The following PTK2 variants were observed in gnomAD, a reference collection of about 807,000 sequenced individuals.
PTK2 encodes the protein focal adhesion kinase 1.
Under a neutral mutation model 150.1 loss-of-function variants are expected in PTK2, and 45 were observed. That is an observed-to-expected ratio of 0.30 (90% CI 0.24 to 0.38). The LOEUF (loss-of-function observed/expected upper bound fraction) is 0.38, where lower values mean the gene tolerates loss of function less well. Ranked by LOEUF, PTK2 falls within the 10% of genes least tolerant of loss-of-function variation. The pLI, the probability that PTK2 is intolerant of heterozygous loss-of-function variation, is 1.00. For missense variants in PTK2, 919 were observed against 1,307.3 expected (o/e 0.70, Z 4.58); for synonymous variants, 432 against 449.2 (o/e 0.96, Z 0.48).
chr8:140,937,093 A>G (rs2100173904), intron 1 of PTK2, among the ~76,000 whole-genome samples: 1 of 152,172 alleles, frequency 6.6e-6, no homozygotes, highest in Non-Finnish European at 1.5e-5. Context: ...TCCTAGACAA[A>G]TAAGATTTAT....
intron 7 of PTK2, among the ~76,000 whole-genome samples, chr8:140,842,753 G>C (rs2100123063): frequency 6.6e-6 from 1 of 152,056 alleles, no homozygotes; most frequent in Non-Finnish European, 1.5e-5. Context: ...AGAAAGAGGG[G>C]ACAGCAAAAT....
intron 15 of PTK2, among the ~76,000 whole-genome samples, chr8:140,762,946 A>G (rs2100070208): frequency 6.6e-6 from 1 of 152,058 alleles, no homozygotes; most frequent in Non-Finnish European, 1.5e-5. Flanking sequence ...ACGCCTGCCT[A>G]ATTTATTTTG....
chr8:140,716,219 A>C (rs2100039628), intron 23 of PTK2, among the ~76,000 whole-genome samples: 1 of 152,210 alleles, frequency 6.6e-6, no homozygotes, highest in Non-Finnish European at 1.5e-5. Context: ...AATCCACTTG[A>C]CTTCAAGGCC....
chr8:140,724,052 A>C (rs929658366), intron 22 of PTK2, among the ~76,000 whole-genome samples: 1 of 152,208 alleles, frequency 6.6e-6, no homozygotes. Context: ...TACAGCTCCA[A>C]CAAAGGCAAT....
intron 2 of PTK2, among the ~76,000 whole-genome samples, chr8:140,915,802 T>C (rs1204357265): frequency 2.0e-5 from 3 of 152,068 alleles, no homozygotes; most frequent in Admixed American, 6.6e-5. Flanking sequence ...CTTGGGAGGC[T>C]GAGGCAGGAG....
chr8:140,960,910 G>A (rs554221696), intron 1 of PTK2, among the ~76,000 whole-genome samples: 8 of 152,156 alleles, frequency 5.3e-5, no homozygotes, highest in Admixed American at 5.2e-4. Flanking sequence ...AACCTGGGAG[G>A]CGGAGGTTGC....
At chr8:140,808,753 T>TTTTTA (rs2100099663) in intron 10 of PTK2, among the ~76,000 whole-genome samples, 1 of 146,330 alleles carries the variant, frequency 6.8e-6, no homozygotes, top group African/African-American at 2.5e-5. Context: ...TTTTTTTTTT[T>TTTTTA]GAGATGGAGT....
intron 1 of PTK2, among the ~76,000 whole-genome samples, chr8:140,936,808 T>C (rs2100173798): frequency 6.6e-6 from 1 of 152,158 alleles, no homozygotes; most frequent in Non-Finnish European, 1.5e-5. Flanking sequence ...ATATAAAAAT[T>C]ACCATTATCT....
intron 1 of PTK2, among the ~76,000 whole-genome samples, chr8:140,948,300 T>C (rs577492353): frequency 2.6e-5 from 4 of 152,318 alleles, no homozygotes; most frequent in African/African-American, 7.2e-5. Flanking sequence ...AGAACACTTG[T>C]AGTTGCAGAT....
intron 13 of PTK2, 73 bp downstream of exon 13, chr8:140,793,281 A>G: frequency 1.3e-6 from 2 of 1,497,280 alleles, no homozygotes; most frequent in East Asian, 2.3e-5. Context: ...TAGGAAAATG[A>G]ATAATAAAGC....
At chr8:140,987,659 T>G (rs571547294) in intron 1 of PTK2, among the ~76,000 whole-genome samples, 1 of 152,220 alleles carries the variant, frequency 6.6e-6, no homozygotes, top group African/African-American at 2.4e-5. Context: ...TAACGAGTGT[T>G]GCCCTAATGA....
rs78602227 is a variant in PTK2, at chr8:140,839,879, G to A, written c.593+6381C>T. ...AAAAAGAAATCGAAGCACAAGACAT[G>A]AATAAAACTAGAAAAGATGAAAAGT... On this transcript the variant is annotated intron_variant, in intron 7 of 31. Coordinates refer to ENST00000522684, the Ensembl canonical transcript of PTK2. Among the ~76,000 whole-genome samples the A allele has an allele frequency of 8.4e-3, 1,274 of 152,150 alleles. 17 individuals are homozygous for A. The highest frequency in any genetic ancestry group is 0.028 in the African/African-American group (1,173 of 41,506).
chr8:140,688,923 G>T lies in PTK2; in HGVS notation c.2500-2229C>A, dbSNP rs567038271. On this transcript the variant is annotated intron_variant, in intron 26 of 31. Transcript: ENST00000522684. ...AAGTCAAACCTAGAGGCATGCAGTT[G>T]GCGACTATGGCAGAAAGTATGCTGT... Among the ~76,000 whole-genome samples the T allele has an allele frequency of 5.8e-4, 89 of 152,308 alleles. 1 individual carries two copies. In the South Asian group the frequency reaches 0.017, roughly 29 times the overall value.
At chr8:141,000,537 G>T (rs2100199738) in intron 1 of PTK2, among the ~76,000 whole-genome samples, 1 of 152,180 alleles carries the variant, frequency 6.6e-6, no homozygotes, top group African/African-American at 2.4e-5. Context: ...TGTTTTTCAG[G>T]CATTGGGTCC....
At chr8:140,803,410 C>A (rs987660605) in intron 11 of PTK2, 133 bp downstream of exon 11, 4 of 712,938 alleles carry the variant, frequency 5.6e-6, no homozygotes, top group African/African-American at 3.6e-5. Context: ...TCTAATGTAA[C>A]CCTTTCTATA....
At position 140,892,468 on chromosome 8, in the gene PTK2, G is replaced by A. The variant is rs1277896541; in HGVS notation, c.-32-1699C>T. 4.6e-5 allele frequency: 12 copies of A among 258,294 alleles called. No homozygotes were observed. The Admixed American group carries it at 6.9e-4, about 15-fold the overall frequency. 16.0% of individuals were successfully genotyped at this position (258,294 alleles called of 1,614,324 possible). ...GGAGGATCACTTGAGCCCAAGAGGG[G>A]AAGGCTACAGTGAGCCGAGATCGTG... On this transcript the variant is annotated intron_variant, in intron 2 of 31. Coordinates refer to ENST00000522684, the Ensembl canonical transcript of PTK2.
Position 140,957,565 on chromosome 8 carries a change from G to C in PTK2, c.-121-31816C>G, listed in dbSNP as rs79978140. 5.7e-3 allele frequency among the ~76,000 whole-genome samples: 869 copies of C among 152,170 alleles called. 5 individuals carry two copies. Among genetic ancestry groups the C allele is most frequent in the African/African-American group, 0.019 (807 of 41,514 alleles). On this transcript the variant is annotated intron_variant, in intron 1 of 31. Coordinates refer to ENST00000522684, the Ensembl canonical transcript of PTK2. ...TACAGTAGCGTACAGTGATAATTTA[G>C]GCCTTCACATTCACTCACCACACAC...
At chr8:140,841,919 T>A (rs1785279342) in intron 7 of PTK2, among the ~76,000 whole-genome samples, 1 of 151,622 alleles carries the variant, frequency 6.6e-6, no homozygotes, top group Non-Finnish European at 1.5e-5. Flanking sequence ...TACATTGTTA[T>A]TAACCTGAAC....
chr8:140,659,288 AC>A (rs1318331970), exon 32 of PTK2: 1 of 555,350 alleles, frequency 1.8e-6, no homozygotes, highest in Non-Finnish European at 3.1e-6. Flanking sequence ...CAAAAAATGA[AC>A]CCAAATCAAA....
Sources: allele counts gnomAD v4.1 joint callset (sites outside exome capture counted in the v4.1 genomes callset), GRCh38; gene constraint gnomAD v4.1.1; transcripts MANE v1.5; gene names NCBI Gene and HGNC (gene_info 2026-07-23, HGNC 2026-07-21).